The following GABRA3 variants were observed in gnomAD, a reference collection of about 807,000 sequenced individuals.
GABRA3 encodes gamma-aminobutyric acid receptor subunit alpha-3.
In GABRA3, 10 loss-of-function variants were observed where a neutral mutation model predicts 30.1. That is an observed-to-expected ratio of 0.33 (90% CI 0.20 to 0.56). The LOEUF (loss-of-function observed/expected upper bound fraction) is 0.56. Ranked by LOEUF, GABRA3 falls within the 20% of genes least tolerant of loss-of-function variation. GABRA3 has a pLI of 0.89. For synonymous variants in GABRA3, 151 were observed against 146.8 expected, an observed-to-expected ratio of 1.03 and a Z score of -0.21; for missense variants, 233 against 392.0, an observed-to-expected ratio of 0.59 and a Z score of 3.42.
chrX:152,388,164 T>A (rs753662396), intron 1 of GABRA3, among the ~76,000 whole-genome samples: 1 of 111,886 alleles, frequency 8.9e-6, no homozygotes, highest in African/African-American at 3.2e-5. Context: ...ATTAATATAT[T>A]TGAAAGTCAG....
At chrX:152,339,250 C>T (rs1208935402) in intron 3 of GABRA3, among the ~76,000 whole-genome samples, 3 of 107,341 alleles carry the variant, frequency 2.8e-5, no homozygotes, top group Admixed American at 1.0e-4. Context: ...TTTTTTAAGA[C>T]GGAGTCTTGC....
intron 1 of GABRA3, among the ~76,000 whole-genome samples, chrX:152,424,928 C>CTTTTTTTTTTTTTTTTTTTTTTTTTTT (rs747255822): frequency 4.7e-5 from 2 of 42,356 alleles, no homozygotes; most frequent in Non-Finnish European, 7.7e-5. Context: ...TTTTTCTTTT[C>CTTTTTTTTTTTTTTTTTTTTTTTTTTT]TTTTTTTTTT....
At chrX:152,320,722 A>AT (rs778168507) in intron 3 of GABRA3, among the ~76,000 whole-genome samples, 1 of 111,835 alleles carries the variant, frequency 8.9e-6, no homozygotes, top group African/African-American at 3.2e-5. Context: ...GCCTATGGAA[A>AT]TAAAAAATCT....
At chrX:152,337,691 A>T (rs756469938) in intron 3 of GABRA3, among the ~76,000 whole-genome samples, 42 of 110,973 alleles carry the variant, frequency 3.8e-4, no homozygotes, top group Non-Finnish European at 6.4e-4. Flanking sequence ...AAAATAAATT[A>T]GCCTGTAGTC....
chrX:152,242,801 T>C (rs1039845019), intron 5 of GABRA3, among the ~76,000 whole-genome samples: 2 of 112,081 alleles, frequency 1.8e-5, no homozygotes, highest in African/African-American at 6.5e-5. Context: ...AAAAACAGTA[T>C]GGAGGTTCCT....
At chrX:152,251,385 C>G (rs1298481564) in intron 5 of GABRA3, among the ~76,000 whole-genome samples, 1 of 109,235 alleles carries the variant, frequency 9.2e-6, no homozygotes, top group Non-Finnish European at 1.9e-5. Context: ...TTCAATATTC[C>G]CATCCTCTCT....
intron 1 of GABRA3, among the ~76,000 whole-genome samples, chrX:152,427,246 C>A (rs1930535702): frequency 8.9e-6 from 1 of 111,741 alleles, no homozygotes; most frequent in South Asian, 3.8e-4. Context: ...GTTTAAAGTC[C>A]TTTAATGACT....
At chrX:152,358,051 A>G (rs751409131) in intron 2 of GABRA3, among the ~76,000 whole-genome samples, 4 of 107,180 alleles carry the variant, frequency 3.7e-5, no homozygotes, top group Non-Finnish European at 5.8e-5. Context: ...TTGGGGTTCC[A>G]TATACATTTT....
chrX:152,236,078 T>A (rs1472475079), intron 5 of GABRA3, among the ~76,000 whole-genome samples: 1 of 94,811 alleles, frequency 1.1e-5, no homozygotes, highest in Non-Finnish European at 2.1e-5. Flanking sequence ...TGTGCCATGC[T>A]GGTGCGCTGC....
intron 3 of GABRA3, among the ~76,000 whole-genome samples, chrX:152,301,188 A>T (rs775885967): frequency 8.9e-6 from 1 of 112,244 alleles, no homozygotes; most frequent in South Asian, 3.7e-4. Flanking sequence ...ATCACAGAGG[A>T]TATATGATGG....
chrX:152,249,069 T>C (rs1227129210), intron 5 of GABRA3, among the ~76,000 whole-genome samples: 9 of 111,231 alleles, frequency 8.1e-5, no homozygotes, highest in African/African-American at 2.6e-4. Context: ...TCCTTCCAAA[T>C]AGGTATGCTA....
rs1363657737 is a variant in GABRA3, at chrX:152,313,439, A to G, written c.263-28704T>C. ...CTTAAGTTGCACCATTTGCCTCTCA[A>G]ATCTGTTATCCCTGGACTCCACATT... On this transcript the variant is annotated intron_variant, in intron 3 of 9. Coordinates refer to ENST00000370314, the MANE Select transcript of GABRA3 (RefSeq NM_000808.4). Among the ~76,000 whole-genome samples, 20 of 111,401 alleles carry G rather than the reference A, an allele frequency of 1.8e-4. No homozygotes were observed. The Admixed American group carries it at 1.9e-3, about 11-fold the overall frequency.
chrX:152,346,939 T>C (rs1940400958), intron 2 of GABRA3, among the ~76,000 whole-genome samples: 1 of 111,569 alleles, frequency 9.0e-6, no homozygotes, highest in Non-Finnish European at 1.9e-5. Flanking sequence ...TGGTGGTTCC[T>C]CAAAATATTA....
chrX:152,397,014 C>A (rs1929677784), intron 1 of GABRA3, among the ~76,000 whole-genome samples: 1 of 111,694 alleles, frequency 9.0e-6, no homozygotes, highest in African/African-American at 3.3e-5. Flanking sequence ...TGACAAAGGG[C>A]AATACTTCAG....
At chrX:152,363,767 T>C (rs1928576437) in intron 2 of GABRA3, among the ~76,000 whole-genome samples, 1 of 112,123 alleles carries the variant, frequency 8.9e-6, no homozygotes, top group African/African-American at 3.2e-5. Flanking sequence ...TTAAACTATA[T>C]ATTTATATTT....
At chrX:152,199,282 C>G (rs188771793) in intron 7 of GABRA3, among the ~76,000 whole-genome samples, 1 of 104,742 alleles carries the variant, frequency 9.5e-6, no homozygotes, top group African/African-American at 3.4e-5. Context: ...AGGAGAATGG[C>G]GTGAACCCAG....
rs183964493 is a variant in GABRA3 at position 152,376,684 on chromosome X, T to A, written c.-26-12088A>T. Among the ~76,000 whole-genome samples, 145 of 112,141 alleles carry A rather than the reference T, an allele frequency of 1.3e-3. 2 individuals carry two copies. In the Admixed American group the frequency reaches 0.013, roughly 10 times the overall value. On this transcript the variant is annotated intron_variant, in intron 1 of 9. Transcript: ENST00000370314. ...CTTTTATCAATCAAGTTTCTTGAACTAGTAATTTATAATTGTTTACTCCAG... is the reference window on the plus strand; with the variant it reads ...CTTTTATCAATCAAGTTTCTTGAACAAGTAATTTATAATTGTTTACTCCAG...
chrX:152,197,872 T>A, intron 7 of GABRA3, 87 bp from the exon 8 acceptor site: 1 of 706,821 alleles, frequency 1.4e-6, no homozygotes, highest in Non-Finnish European at 2.1e-6. Flanking sequence ...CAAAGCTCTT[T>A]AATCTTATAT....
At chrX:152,387,481 G>A (rs978577673) in intron 1 of GABRA3, among the ~76,000 whole-genome samples, 4 of 111,408 alleles carry the variant, frequency 3.6e-5, no homozygotes, top group Non-Finnish European at 5.7e-5. Context: ...CAGGCTTCTG[G>A]AGTACCCACA....
Sources: allele counts gnomAD v4.1 joint callset (sites outside exome capture counted in the v4.1 genomes callset), GRCh38; gene constraint gnomAD v4.1.1; transcripts MANE v1.5; gene names NCBI Gene and HGNC (gene_info 2026-07-23, HGNC 2026-07-21).